The following SLC51A variants were observed in gnomAD, a reference collection of about 807,000 sequenced individuals.
SLC51A encodes organic solute transporter subunit alpha.
In SLC51A, 22 loss-of-function variants were observed where a neutral mutation model predicts 34.8. The ratio of observed to expected loss-of-function variants is 0.63; its 90% CI spans 0.45 to 0.90. The LOEUF (loss-of-function observed/expected upper bound fraction) is 0.90. Among genes scored for constraint, SLC51A ranks in the 40% least tolerant of loss-of-function variants. The pLI is 0.00. For missense variants in SLC51A, 371 were observed against 414.8 expected (o/e 0.89, Z 0.92); for synonymous variants, 181 against 176.3 (o/e 1.03, Z -0.21).
At chr3:196,224,657 C>T (rs1199643598) in intron 2 of SLC51A, among the ~76,000 whole-genome samples, 1 of 134,598 alleles carries the variant, frequency 7.4e-6, no homozygotes. Flanking sequence ...GCCTGTGCGA[C>T]AAGAGTGAAA....
At chr3:196,223,764 T>C (rs1458012040) in intron 2 of SLC51A, 2 of 286,036 alleles carry the variant, frequency 7.0e-6, no homozygotes, top group Non-Finnish European at 1.3e-5. Context: ...AGAAAGAAAA[T>C]ACAGAACAGT....
chr3:196,228,122 G>A lies in SLC51A; in HGVS notation c.370G>A (p.Ala124Thr), dbSNP rs1723942556. The stretch of plus-strand genomic sequence containing the variant: ...CTTCTCTCCCCACCCCAGGTTTTAT[G>A]CCGTGTGCTTTTACCTGCTGATGCT... ...LVEMTITSFYAVCFYLLMLVM... is the reference protein window; with the variant it reads ...LVEMTITSFYTVCFYLLMLVM... The change falls in exon 5 of 9, where the codon GCC (alanine) becomes ACC (threonine). Residue 124 changes from alanine to threonine, a missense_variant. Ala to Thr is a moderately conservative substitution (Grantham distance 58). Coordinates refer to ENST00000296327, the MANE Select transcript of SLC51A (RefSeq NM_152672.6). This position sits in a 1 kb window ranked among gnomAD's most constrained non-coding sequence, Gnocchi z 4.9. 6.2e-7 allele frequency: 1 copy of A among 1,613,536 alleles called. No homozygotes were observed. Among genetic ancestry groups the A allele is most frequent in the African/African-American group, 1.3e-5 (1 of 74,918 alleles).
chr3:196,230,532 CAG>C (rs1724005811), intron 7 of SLC51A, among the ~76,000 whole-genome samples: 2 of 145,638 alleles, frequency 1.4e-5, no homozygotes, highest in Non-Finnish European at 3.0e-5. Context: ...TTTTTTGAGA[CAG>C]AGTCTTGGTC....
At chr3:196,232,768 G>A in intron 8 of SLC51A, 1 of 583,864 alleles carries the variant, frequency 1.7e-6, no homozygotes, top group Non-Finnish European at 3.0e-6. Context: ...CATGGGTTCA[G>A]TCCTCAGCTC....
chr3:196,224,423 G>A (rs112216889), intron 2 of SLC51A, among the ~76,000 whole-genome samples: 8 of 150,218 alleles, frequency 5.3e-5, no homozygotes, highest in South Asian at 2.1e-4. Flanking sequence ...GGCTGGACCC[G>A]GTGGCTCACG....
At position 196,228,637 on chromosome 3, in the gene SLC51A, G is replaced by A. The variant is rs1046797769; in HGVS notation, c.522-172G>A. ...CTGGAGGTGAGTGGGAGACCAAGAG[G>A]GTTCCCAGCACTCTCAACATTCTGC... is the stretch of plus-strand genomic sequence containing the variant. On this transcript the variant is annotated intron_variant, in intron 5 of 8. Coordinates refer to ENST00000296327, the MANE Select transcript of SLC51A (RefSeq NM_152672.6). The surrounding 1 kb of genome is among the most constrained non-coding windows in gnomAD (Gnocchi z 4.9). 9.5e-6 allele frequency: 6 copies of A among 629,890 alleles called. No homozygotes were observed. The highest frequency in any genetic ancestry group is 1.7e-5 in the Non-Finnish European group (6 of 352,756). The allele number at this position is 629,890 out of a possible 1,614,324, so 39.0% of individuals were successfully genotyped here.
intron 2 of SLC51A, among the ~76,000 whole-genome samples, chr3:196,222,736 C>T (rs936626104): frequency 2.0e-5 from 3 of 151,794 alleles, no homozygotes; most frequent in Non-Finnish European, 2.9e-5. Flanking sequence ...GTATGCTCTG[C>T]AGGAATCATC....
intron 3 of SLC51A, 42 bp downstream of exon 3, chr3:196,227,161 A>C: frequency 6.3e-7 from 1 of 1,598,214 alleles, no homozygotes; most frequent in Non-Finnish European, 8.5e-7. Flanking sequence ...ACTGAAAAGA[A>C]GGCAGAGACC....
intron 2 of SLC51A, among the ~76,000 whole-genome samples, 193 bp from the exon 3 acceptor site, chr3:196,226,772 T>C (rs1442574379): frequency 1.3e-5 from 1 of 77,376 alleles, no homozygotes; most frequent in Non-Finnish European, 2.7e-5. Context: ...AGGCTCCGTC[T>C]TAAAAAAAAA....
Position 196,228,589 on chromosome 3 carries a change from C to A in SLC51A, c.522-220C>A. The stretch of plus-strand genomic sequence containing the variant: ...AGGTTGAGGTCACACTCCCAGACCT[C>A]GCTCCAAAGACGGAATTCTTGTCTG... On this transcript the variant is annotated intron_variant, in intron 5 of 8. Transcript: ENST00000296327. The surrounding 1 kb of genome is among the most constrained non-coding windows in gnomAD (Gnocchi z 4.9). The A allele has an allele frequency of 1.6e-6, 1 of 607,986 alleles. No homozygotes were observed. The highest frequency in any genetic ancestry group is 2.9e-6 in the Non-Finnish European group (1 of 343,496). 37.7% of individuals were successfully genotyped at this position (607,986 alleles called of 1,614,324 possible). A position where few individuals can be genotyped will look rare whatever the true frequency, so the allele number is the denominator to read the frequency against.
intron 3 of SLC51A, 152 bp downstream of exon 3, chr3:196,227,271 G>A: frequency 2.7e-6 from 2 of 728,836 alleles, no homozygotes; most frequent in South Asian, 3.7e-5. Context: ...TCCCCTTGCA[G>A]TTAGGATCCT....
At chr3:196,232,276 A>G in intron 7 of SLC51A, 143 bp from the exon 8 acceptor site, 1 of 591,540 alleles carries the variant, frequency 1.7e-6, no homozygotes, top group Middle Eastern at 4.4e-4. Flanking sequence ...ATGAAGTGAG[A>G]GCCTCAACCC....
intron 7 of SLC51A, among the ~76,000 whole-genome samples, chr3:196,230,394 C>T (rs938400825): frequency 6.6e-6 from 1 of 152,212 alleles, no homozygotes; most frequent in Non-Finnish European, 1.5e-5. Context: ...CCCAGCCTCT[C>T]CCTAGTTTCC....
chr3:196,221,873 A>G (rs1053095922), intron 2 of SLC51A, among the ~76,000 whole-genome samples: 29 of 150,954 alleles, frequency 1.9e-4, no homozygotes, highest in Admixed American at 7.2e-4. Context: ...CCGCCACCAC[A>G]CCCGGCTAAT....
chr3:196,227,513 T>C (rs1489308480), intron 3 of SLC51A, 151 bp from the exon 4 acceptor site: 1 of 684,118 alleles, frequency 1.5e-6, no homozygotes, highest in Non-Finnish European at 2.6e-6. Context: ...CTTGGTTTGC[T>C]TGACTTAATT....
chr3:196,223,551 A>G (rs926894599), intron 2 of SLC51A, among the ~76,000 whole-genome samples: 3 of 151,770 alleles, frequency 2.0e-5, no homozygotes, highest in Admixed American at 6.6e-5. Context: ...ACGCTCTCCA[A>G]GGGCTGATGA....
At position 196,229,923 on chromosome 3, in the gene SLC51A, G is replaced by A. The variant is rs982864518; in HGVS notation, c.642G>A (p.Glu214=). 9.4e-6 allele frequency: 15 copies of A among 1,603,748 alleles called. No homozygotes were observed. The highest frequency in any genetic ancestry group is 1.3e-5 in the Non-Finnish European group (15 of 1,175,628). ...CTTTCTGTTGCCACCAGATTTCTGAGGGGAGCACAGCTCTATGGATCAACA... is the reference window on the plus strand; with the variant it reads ...CTTTCTGTTGCCACCAGATTTCTGAAGGGAGCACAGCTCTATGGATCAACA... ...DGIYDPADIS[E]GSTALWINTF... is the part of the protein sequence containing the mutation. Residue 214 remains glutamate (E), a synonymous_variant, in exon 7 of 9, where the codon GAG becomes GAA. Coordinates refer to ENST00000296327, the MANE Select transcript of SLC51A (RefSeq NM_152672.6).
In SLC51A at chr3:196,227,058, A is replaced by G. The variant is rs768810025; in HGVS notation, c.227A>G (p.Tyr76Cys). The G allele has an allele frequency of 6.1e-5, 98 of 1,614,034 alleles. No homozygotes were observed. The highest frequency in any genetic ancestry group is 7.9e-5 in the Non-Finnish European group (93 of 1,180,038). The stretch of plus-strand genomic sequence containing the variant: ...TTCCTGGAGGATGCCGTCTACCTGT[A>G]CAAGAACACCCTTTGCCCCATCAAG... The part of the protein sequence containing the change: ...AIFLEDAVYL[Y>C]KNTLCPIKRR... The change falls in exon 3 of 9, where the codon TAC becomes TGC. Residue 76 changes from tyrosine to cysteine, a missense_variant. Coordinates refer to ENST00000296327, the MANE Select transcript of SLC51A (RefSeq NM_152672.6).
chr3:196,217,823 C>T lies in SLC51A; in HGVS notation c.39-19C>T, dbSNP rs936810497. On this transcript the variant is annotated intron_variant, in intron 1 of 8. Transcript: ENST00000296327. ...CCCCCAGCCCCCATGGTTCTGAGCACAGGCTGGTGTCTCGCCAGGTACACA... is the reference window on the plus strand; with the variant it reads ...CCCCCAGCCCCCATGGTTCTGAGCATAGGCTGGTGTCTCGCCAGGTACACA... 3 of 1,610,340 alleles carry T rather than the reference C, an allele frequency of 1.9e-6. No homozygotes were observed. The highest frequency in any genetic ancestry group is 3.3e-5 in the Admixed American group (2 of 59,798).
Sources: allele counts gnomAD v4.1 joint callset (sites outside exome capture counted in the v4.1 genomes callset), GRCh38; gene constraint gnomAD v4.1.1; non-coding constraint Gnocchi (gnomAD v3.1); transcripts MANE v1.5; gene names NCBI Gene and HGNC (gene_info 2026-07-23, HGNC 2026-07-21).